Variants in EHMT1 observed in about 807,000 individuals in gnomAD.
EHMT1 encodes the protein euchromatic histone lysine methyltransferase 1, also known as histone-lysine N-methyltransferase EHMT1.
In EHMT1, 15 loss-of-function variants were observed where a neutral mutation model predicts 147.2. The ratio of observed to expected loss-of-function variants is 0.10; its 90% CI spans 0.07 to 0.16. The LOEUF (loss-of-function observed/expected upper bound fraction) is 0.16. Ranked by LOEUF, EHMT1 falls within the 10% of genes least tolerant of loss-of-function variation. The pLI is 1.00. For missense variants in EHMT1, 1,587 were observed against 1,772.4 expected (o/e 0.90, Z 1.88); for synonymous variants, 795 against 709.6 (o/e 1.12, Z -1.91).
intron 1 of EHMT1, among the ~76,000 whole-genome samples, chr9:137,640,200 G>T (rs557153567): frequency 2.6e-5 from 4 of 152,202 alleles, no homozygotes; most frequent in Non-Finnish European, 5.9e-5. Flanking sequence ...CTCCCAAAGT[G>T]CTGGGATTAC....
At chr9:137,783,525 T>C (rs1017580641) in intron 15 of EHMT1, among the ~76,000 whole-genome samples, 1 of 152,280 alleles carries the variant, frequency 6.6e-6, no homozygotes, top group South Asian at 2.1e-4. Context: ...GTTTTTCTTA[T>C]CTAAAGGTTT....
intron 3 of EHMT1, among the ~76,000 whole-genome samples, chr9:137,723,194 T>C (rs540383702): frequency 0.016 from 1,135 of 72,288 alleles, 57 homozygotes; most frequent in African/African-American, 0.056. Context: ...TGCCTGTGTC[T>C]GTGGTTCTGG....
chr9:137,813,280 C>T lies in EHMT1; in HGVS notation c.3036-106C>T, dbSNP rs747622461. On this transcript the variant is annotated intron_variant, in intron 20 of 26. Transcript: ENST00000460843. This position sits in a 1 kb window ranked among gnomAD's most constrained non-coding sequence, Gnocchi z 4.9. ...AGCCGAAACATCCCCAGGCTGCAGT[C>T]CAAATTGTCAGGGCCAGGTGTTTGC... The T allele has an allele frequency of 1.3e-6, 2 of 1,556,914 alleles. No individual in the cohort carries two copies. The highest frequency in any genetic ancestry group is 2.7e-5 in the African/African-American group (2 of 73,770).
intron 19 of EHMT1, among the ~76,000 whole-genome samples, chr9:137,812,295 C>T (rs947938364): frequency 3.3e-5 from 5 of 152,136 alleles, no homozygotes; most frequent in Admixed American, 1.3e-4. Context: ...GTGGAGATTG[C>T]GACGCTACAC....
intron 8 of EHMT1, among the ~76,000 whole-genome samples, chr9:137,754,864 G>T (rs1428639900): frequency 6.6e-6 from 1 of 152,152 alleles, no homozygotes; most frequent in Non-Finnish European, 1.5e-5. Context: ...TTTGCTGCCC[G>T]CATGGGTGAC....
At chr9:137,643,492 G>T (rs1234691557) in intron 1 of EHMT1, among the ~76,000 whole-genome samples, 1 of 151,708 alleles carries the variant, frequency 6.6e-6, no homozygotes, top group Non-Finnish European at 1.5e-5. Context: ...AGGACTACAG[G>T]CACCTGCCAT....
intron 1 of EHMT1, among the ~76,000 whole-genome samples, chr9:137,632,225 A>G (rs1257185965): frequency 6.6e-6 from 1 of 152,176 alleles, no homozygotes; most frequent in Admixed American, 6.5e-5. Context: ...CGATGACTTT[A>G]CCATGTAGCT....
intron 10 of EHMT1, chr9:137,763,351 TC>T (rs1949987005): frequency 5.1e-6 from 1 of 194,460 alleles, no homozygotes; most frequent in African/African-American, 2.3e-5. Flanking sequence ...TCTGAGAATT[TC>T]TCCAGTTCTT....
chr9:137,803,377 T>C (rs977218076), intron 18 of EHMT1: 2 of 880,192 alleles, frequency 2.3e-6, no homozygotes, highest in Non-Finnish European at 2.7e-6. Context: ...TTCACAGCCA[T>C]GCCCAGCCCA....
At chr9:137,827,258 C>T (rs1249016519) in intron 25 of EHMT1, among the ~76,000 whole-genome samples, 1 of 152,162 alleles carries the variant, frequency 6.6e-6, no homozygotes, top group Non-Finnish European at 1.5e-5. Flanking sequence ...GTCCCTAAGT[C>T]CAGGGCAGGC....
chr9:137,677,783 G>A (rs977761009), intron 1 of EHMT1, among the ~76,000 whole-genome samples: 2 of 152,102 alleles, frequency 1.3e-5, no homozygotes, highest in Non-Finnish European at 1.5e-5. Context: ...TGTCAGCCGA[G>A]CACGGTGGCT....
chr9:137,707,226 G>T (rs145023192), intron 1 of EHMT1, among the ~76,000 whole-genome samples: 215 of 152,332 alleles, frequency 1.4e-3, no homozygotes, highest in African/African-American at 4.9e-3. Flanking sequence ...GCGCTGCTTG[G>T]GGGGGCTGGT....
intron 22 of EHMT1, 65 bp from the exon 23 acceptor site, chr9:137,815,882 T>A: frequency 7.4e-7 from 1 of 1,351,104 alleles, no homozygotes; most frequent in Non-Finnish European, 1.0e-6. Context: ...TAGAAATGGG[T>A]TGATGTCAGT....
chr9:137,690,506 CAAAA>C (rs34887611), intron 1 of EHMT1, among the ~76,000 whole-genome samples: 5 of 91,146 alleles, frequency 5.5e-5, no homozygotes, highest in African/African-American at 7.6e-5. Flanking sequence ...GACCCTGTCT[CAAAA>C]AAAAAAAAAA....
chr9:137,714,639 A>G (rs1308803358), intron 2 of EHMT1, among the ~76,000 whole-genome samples: 1 of 144,058 alleles, frequency 6.9e-6, no homozygotes, highest in African/African-American at 2.6e-5. Context: ...TGAAGCCTTG[A>G]CCTCCTGGGC....
intron 1 of EHMT1, among the ~76,000 whole-genome samples, chr9:137,635,686 G>A (rs907271097): frequency 2.0e-5 from 3 of 151,024 alleles, no homozygotes; most frequent in Non-Finnish European, 4.4e-5. Flanking sequence ...GGGACGTGGT[G>A]GCGGGCGCCT....
At chr9:137,705,994 G>A (rs113858626) in intron 1 of EHMT1, among the ~76,000 whole-genome samples, 4 of 152,154 alleles carry the variant, frequency 2.6e-5, no homozygotes, top group African/African-American at 9.6e-5. Flanking sequence ...CGTTCTTCCT[G>A]GAGTGGACCT....
At chr9:137,683,949 G>C (rs1942201088) in intron 1 of EHMT1, among the ~76,000 whole-genome samples, 1 of 151,876 alleles carries the variant, frequency 6.6e-6, no homozygotes, top group Non-Finnish European at 1.5e-5. Flanking sequence ...ATTTTTTAGA[G>C]AGATGCTTGA....
chr9:137,622,540 T>C (rs1842998777), intron 1 of EHMT1, among the ~76,000 whole-genome samples: 2 of 152,216 alleles, frequency 1.3e-5, no homozygotes, highest in African/African-American at 4.8e-5. Context: ...AGGGGTCGAC[T>C]ATGGACTTCC....
Sources: allele counts gnomAD v4.1 joint callset (sites outside exome capture counted in the v4.1 genomes callset), GRCh38; gene constraint gnomAD v4.1.1; non-coding constraint Gnocchi (gnomAD v3.1); transcripts MANE v1.5; gene names NCBI Gene and HGNC (gene_info 2026-07-23, HGNC 2026-07-21).